SPATS2: variants seen among roughly 807,000 people sequenced by gnomAD.
SPATS2 encodes the protein spermatogenesis associated serine rich 2.
Under a neutral mutation model 63.7 loss-of-function variants are expected in SPATS2, and 38 were observed. The observed-to-expected ratio is 0.60, with a 90% CI of 0.46 to 0.78. SPATS2 has a LOEUF of 0.78. Among genes scored for constraint, SPATS2 ranks in the 30% least tolerant of loss-of-function variants. The pLI, the probability that SPATS2 is intolerant of heterozygous loss-of-function variation, is 0.00. For missense variants in SPATS2, 588 were observed against 666.2 expected (o/e 0.88, Z 1.29); for synonymous variants, 207 against 232.9 (o/e 0.89, Z 1.01).
chr12:49,516,197 ATATATATAT>A (rs1946846600), intron 10 of SPATS2, among the ~76,000 whole-genome samples: 3 of 111,564 alleles, frequency 2.7e-5, no homozygotes, highest in Non-Finnish European at 5.5e-5. Context: ...ATATATATAT[ATATATATAT>A]ATAAATCAGG....
intron 2 of SPATS2, among the ~76,000 whole-genome samples, chr12:49,449,410 T>A (rs1305108190): frequency 6.6e-6 from 1 of 152,166 alleles, no homozygotes; most frequent in Non-Finnish European, 1.5e-5. Flanking sequence ...GAAACGGGGT[T>A]TCACCATGTT....
intron 2 of SPATS2, among the ~76,000 whole-genome samples, chr12:49,373,237 G>C (rs1944033969): frequency 6.6e-6 from 1 of 152,102 alleles, no homozygotes; most frequent in African/African-American, 2.4e-5. Context: ...GCCTCCCAAA[G>C]TGCTGGGATT....
intron 3 of SPATS2, among the ~76,000 whole-genome samples, chr12:49,483,390 A>C (rs1946238446): frequency 6.6e-6 from 1 of 152,018 alleles, no homozygotes; most frequent in Non-Finnish European, 1.5e-5. Context: ...TGGTTCTATA[A>C]GATCTTCGTT....
intron 11 of SPATS2, among the ~76,000 whole-genome samples, chr12:49,519,578 T>C (rs1244460301): frequency 1.5e-5 from 2 of 129,490 alleles, no homozygotes; most frequent in Non-Finnish European, 3.4e-5. Flanking sequence ...TCCATGTATG[T>C]TCCCCACACT....
chr12:49,433,573 C>G (rs1281003028), intron 2 of SPATS2, among the ~76,000 whole-genome samples: 1 of 152,128 alleles, frequency 6.6e-6, no homozygotes, highest in Non-Finnish European at 1.5e-5. Context: ...GTTTGGTGAC[C>G]ATTTATTTAT....
In SPATS2 at chr12:49,442,785, T is replaced by TAA. The variant is rs1945442679; in HGVS notation, c.-243-17985_-243-17984insAA. 67 of 62,916 alleles carry TAA rather than the reference T, an allele frequency of 1.1e-3. 5 individuals carry two copies. The highest frequency in any genetic ancestry group is 2.7e-3 in the African/African-American group (65 of 23,828). The allele number at this position is 62,916 out of a possible 1,614,324, so 3.9% of individuals were successfully genotyped here. Reference sequence around the variant, plus strand: ...GGCAACAGAGAGAGACCATGTCTCCTTAAAAAAAAAAAAAAAAAAAAAAAA... The same window carrying TAA: ...GGCAACAGAGAGAGACCATGTCTCCTAATAAAAAAAAAAAAAAAAAAAAAAAA... On this transcript the variant is annotated intron_variant, in intron 2 of 13. Transcript: ENST00000552918.
At chr12:49,473,517 A>G (rs546994772) in intron 3 of SPATS2, among the ~76,000 whole-genome samples, 95 of 152,342 alleles carry the variant, frequency 6.2e-4, no homozygotes, top group African/African-American at 2.2e-3. Flanking sequence ...CTGAAGTTGA[A>G]GCTACACATA....
At chr12:49,371,365 T>C (rs911525535) in intron 2 of SPATS2, 75 bp downstream of exon 2, 3 of 152,258 alleles carry the variant, frequency 2.0e-5, no homozygotes, top group African/African-American at 7.2e-5. Flanking sequence ...AATTCATCCA[T>C]GTTGTAGCAT....
At chr12:49,415,518 T>G (rs1944874817) in intron 2 of SPATS2, among the ~76,000 whole-genome samples, 1 of 152,208 alleles carries the variant, frequency 6.6e-6, no homozygotes, top group African/African-American at 2.4e-5. Flanking sequence ...TATACACAGC[T>G]AAAAGAAACC....
intron 3 of SPATS2, among the ~76,000 whole-genome samples, chr12:49,468,414 C>T (rs1945968857): frequency 6.6e-6 from 1 of 152,170 alleles, no homozygotes; most frequent in Non-Finnish European, 1.5e-5. Flanking sequence ...CCTGCCTCGA[C>T]CTCCCAAAGT....
intron 11 of SPATS2, among the ~76,000 whole-genome samples, chr12:49,521,502 G>A (rs148634376): frequency 2.3e-3 from 344 of 152,124 alleles, no homozygotes; most frequent in African/African-American, 7.5e-3. Flanking sequence ...TTCAACTCTC[G>A]GGGAGAAGCC....
intron 11 of SPATS2, among the ~76,000 whole-genome samples, chr12:49,521,087 C>T (rs781577923): frequency 6.6e-6 from 1 of 152,248 alleles, no homozygotes; most frequent in African/African-American, 2.4e-5. Context: ...GGGATATTCA[C>T]GGATGGTTGT....
chr12:49,474,356 G>A (rs1014023050), intron 3 of SPATS2, among the ~76,000 whole-genome samples: 2 of 152,144 alleles, frequency 1.3e-5, no homozygotes, highest in Non-Finnish European at 2.9e-5. Flanking sequence ...TGATATGAAG[G>A]TTAATGAGTG....
At chr12:49,425,818 G>GA (rs1243257101) in intron 2 of SPATS2, among the ~76,000 whole-genome samples, 2 of 151,320 alleles carry the variant, frequency 1.3e-5, no homozygotes, top group African/African-American at 4.9e-5. Context: ...TTTTAGTAGA[G>GA]ACGGGGGTTT....
intron 3 of SPATS2, among the ~76,000 whole-genome samples, chr12:49,474,434 A>T (rs925818077): frequency 6.6e-6 from 1 of 152,238 alleles, no homozygotes; most frequent in African/African-American, 2.4e-5. Context: ...AGACAGAAGC[A>T]TGCAATTAGG....
intron 2 of SPATS2, among the ~76,000 whole-genome samples, chr12:49,398,619 A>G (rs987303460): frequency 2.0e-5 from 3 of 152,222 alleles, no homozygotes; most frequent in African/African-American, 7.2e-5. Context: ...TTGGGAATGG[A>G]TGAACTTAGT....
intron 2 of SPATS2, among the ~76,000 whole-genome samples, chr12:49,411,606 A>C (rs1484324966): frequency 6.6e-6 from 1 of 152,180 alleles, no homozygotes; most frequent in Non-Finnish European, 1.5e-5. Flanking sequence ...ATTTCTTCTC[A>C]AACTAATTAG....
At chr12:49,509,862 G>C (rs560683410) in intron 9 of SPATS2, among the ~76,000 whole-genome samples, 25 of 150,484 alleles carry the variant, frequency 1.7e-4, no homozygotes, top group Non-Finnish European at 3.0e-4. Flanking sequence ...TCTCTTTTTT[G>C]GTTATTTTAT....
At chr12:49,403,354 G>A (rs956655626) in intron 2 of SPATS2, among the ~76,000 whole-genome samples, 4 of 152,104 alleles carry the variant, frequency 2.6e-5, no homozygotes, top group African/African-American at 4.8e-5. Flanking sequence ...CTTGCTGGGC[G>A]TGGTGGCTCA....
Sources: gnomAD v4.1 joint callset for allele counts (sites outside exome capture counted in the v4.1 genomes callset) on GRCh38, gnomAD v4.1.1 for gene constraint, MANE v1.5 for transcripts, NCBI Gene and HGNC (gene_info 2026-07-23, HGNC 2026-07-21) for gene names.